CAB39L: variants seen among roughly 807,000 people sequenced by gnomAD.
CAB39L encodes calcium binding protein 39 like.
In CAB39L, 23 loss-of-function variants were observed where a neutral mutation model predicts 39.1. That is an observed-to-expected ratio of 0.59 (90% CI 0.42 to 0.83). The LOEUF (loss-of-function observed/expected upper bound fraction) is 0.83. Ranked by LOEUF, CAB39L falls within the 40% of genes least tolerant of loss-of-function variation. The probability of loss-of-function intolerance (pLI) is 0.00; values close to 1 mark genes in which losing one functional copy is unlikely to be tolerated. For synonymous variants in CAB39L, 126 were observed against 137.2 expected, an observed-to-expected ratio of 0.92 and a Z score of 0.57; for missense variants, 366 against 391.9, an observed-to-expected ratio of 0.93 and a Z score of 0.56.
At chr13:49,410,512 A>T (rs1257895798) in intron 3 of CAB39L, among the ~76,000 whole-genome samples, 1 of 152,236 alleles carries the variant, frequency 6.6e-6, no homozygotes, top group Non-Finnish European at 1.5e-5. Context: ...TTAAAAGTAC[A>T]ACTTGTAAGC....
At chr13:49,432,089 C>A (rs917376974) in intron 3 of CAB39L, among the ~76,000 whole-genome samples, 1 of 151,966 alleles carries the variant, frequency 6.6e-6, no homozygotes, top group African/African-American at 2.4e-5. Flanking sequence ...CACTTTATAG[C>A]CCCTTACTCT....
chr13:49,421,396 A>C (rs753382375), intron 3 of CAB39L, among the ~76,000 whole-genome samples: 5 of 152,128 alleles, frequency 3.3e-5, no homozygotes, highest in Non-Finnish European at 2.9e-5. Flanking sequence ...GAGGCACCCC[A>C]AGCTCTTTCC....
At chr13:49,433,699 C>T (rs988060994) in intron 2 of CAB39L, among the ~76,000 whole-genome samples, 4 of 152,132 alleles carry the variant, frequency 2.6e-5, no homozygotes, top group Non-Finnish European at 5.9e-5. Flanking sequence ...CCCCCATCTT[C>T]AAAAGGAAGA....
intron 3 of CAB39L, among the ~76,000 whole-genome samples, chr13:49,405,628 C>T (rs1357015685): frequency 6.6e-6 from 1 of 151,298 alleles, no homozygotes; most frequent in Non-Finnish European, 1.5e-5. Flanking sequence ...TCAAAATTAG[C>T]CAGAATTGCT....
At chr13:49,389,519 T>C (rs1233308042) in intron 3 of CAB39L, among the ~76,000 whole-genome samples, 1 of 151,830 alleles carries the variant, frequency 6.6e-6, no homozygotes, top group African/African-American at 2.4e-5. Context: ...CAGGCACCTA[T>C]ACTCCCAGCT....
chr13:49,375,767 C>T (rs548851827), intron 5 of CAB39L, among the ~76,000 whole-genome samples: 5 of 148,554 alleles, frequency 3.4e-5, no homozygotes, highest in African/African-American at 7.5e-5. Context: ...GCACGTTGTG[C>T]GCATGTACCC....
intron 5 of CAB39L, among the ~76,000 whole-genome samples, chr13:49,369,331 T>C (rs1955852166): frequency 6.6e-6 from 1 of 152,194 alleles, no homozygotes; most frequent in African/African-American, 2.4e-5. Flanking sequence ...AAGTGGGGAA[T>C]GGATAAATGA....
intron 3 of CAB39L, among the ~76,000 whole-genome samples, chr13:49,427,838 T>TC (rs1446406516): frequency 6.6e-6 from 1 of 152,142 alleles, no homozygotes; most frequent in Non-Finnish European, 1.5e-5. Context: ...AGATTCAGGG[T>TC]CCAGTGAGGG....
chr13:49,311,085 T>A, intron 10 of CAB39L, 92 bp from the exon 11 acceptor site: 1 of 1,045,492 alleles, frequency 9.6e-7, no homozygotes, highest in Non-Finnish European at 1.4e-6. Context: ...CCCACACTAC[T>A]CGCGTTTCAT....
At chr13:49,352,890 T>C (rs1216492628) in intron 6 of CAB39L, among the ~76,000 whole-genome samples, 3 of 152,204 alleles carry the variant, frequency 2.0e-5, no homozygotes, top group Non-Finnish European at 1.5e-5. Context: ...GTAACAACAT[T>C]TGTTGAACAA....
chr13:49,405,812 G>T (rs1956865848), intron 3 of CAB39L, among the ~76,000 whole-genome samples: 1 of 149,698 alleles, frequency 6.7e-6, no homozygotes, highest in Non-Finnish European at 1.5e-5. Flanking sequence ...TATACTCAAT[G>T]GAATAATATT....
chr13:49,322,613 T>C (rs1954381031), intron 10 of CAB39L, among the ~76,000 whole-genome samples: 20 of 152,242 alleles, frequency 1.3e-4, no homozygotes, highest in Admixed American at 1.1e-3. Flanking sequence ...AGTATACTAG[T>C]ATTTCCTCTA....
intron 3 of CAB39L, among the ~76,000 whole-genome samples, chr13:49,423,583 A>G (rs1487461062): frequency 5.9e-5 from 9 of 152,212 alleles, no homozygotes; most frequent in Non-Finnish European, 4.4e-5. Context: ...ATTTTTTAAA[A>G]AAAGAGTAAA....
At chr13:49,382,719 ATTC>A in intron 4 of CAB39L, 78 bp downstream of exon 4, 1 of 839,178 alleles carries the variant, frequency 1.2e-6, no homozygotes, top group Non-Finnish European at 2.0e-6. Flanking sequence ...CATATTTTGA[ATTC>A]TTCATTAAGC....
At position 49,351,037 on chromosome 13, in the gene CAB39L, T is replaced by C. The variant is rs1308884405; in HGVS notation, c.396-125A>G. 4.2e-5 allele frequency: 26 copies of C among 623,422 alleles called. No homozygotes were observed. The East Asian group carries it at 8.0e-4, about 19-fold the overall frequency. The allele number at this position is 623,422 out of a possible 1,614,324, so 38.6% of individuals were successfully genotyped here. A position where few individuals can be genotyped will look rare whatever the true frequency, so the allele number is the denominator to read the frequency against. Reference sequence around the variant, plus strand: ...CATACATACCATTTGTCACGATTCATTCAATATCCACTGAAGATCTACTAT... The same window carrying C: ...CATACATACCATTTGTCACGATTCACTCAATATCCACTGAAGATCTACTAT... On this transcript the variant is annotated intron_variant, in intron 6 of 10. Transcript: ENST00000409308.
rs1054204851 is a variant in CAB39L, at chr13:49,425,376, C to A, written c.-32+7942G>T. ...CTAGGAGAAATCATTACAAAGCTTG[C>A]TACCCAAAATATCCATATACAAAAA... On this transcript the variant is annotated intron_variant, in intron 3 of 10. Coordinates refer to ENST00000409308, the MANE Select transcript of CAB39L (RefSeq NM_001079670.3). Among the ~76,000 whole-genome samples, 19 of 152,044 alleles carry A rather than the reference C, an allele frequency of 1.2e-4. 1 individual carries two copies. Among genetic ancestry groups the A allele is most frequent in the Admixed American group, 1.2e-3 (18 of 15,262 alleles).
At chr13:49,376,046 G>A (rs1956052179) in intron 5 of CAB39L, among the ~76,000 whole-genome samples, 1 of 152,196 alleles carries the variant, frequency 6.6e-6, no homozygotes, top group Admixed American at 6.5e-5. Flanking sequence ...CTTGTGCAGA[G>A]AGCTGTAGGC....
chr13:49,398,120 C>G (rs574342060), intron 3 of CAB39L, among the ~76,000 whole-genome samples: 42 of 152,168 alleles, frequency 2.8e-4, no homozygotes, highest in Non-Finnish European at 4.6e-4. Flanking sequence ...TATCCCCAAG[C>G]TGTTCAAAGT....
intron 9 of CAB39L, among the ~76,000 whole-genome samples, chr13:49,336,106 G>A (rs1248455386): frequency 1.3e-5 from 2 of 149,258 alleles, no homozygotes; most frequent in East Asian, 3.9e-4. Context: ...CATCAGTGGA[G>A]CTTCCAGAAT....
Sources: gnomAD v4.1 joint callset for allele counts (sites outside exome capture counted in the v4.1 genomes callset) on GRCh38, gnomAD v4.1.1 for gene constraint, MANE v1.5 for transcripts, NCBI Gene and HGNC (gene_info 2026-07-23, HGNC 2026-07-21) for gene names.